BRINP1: variants seen among roughly 807,000 people sequenced by gnomAD.
BRINP1 encodes the protein BMP/retinoic acid inducible neural specific 1, also known as BMP/retinoic acid-inducible neural-specific protein 1.
Under a neutral mutation model 72.9 loss-of-function variants are expected in BRINP1, and 17 were observed. The ratio of observed to expected loss-of-function variants is 0.23; its 90% CI spans 0.16 to 0.35. The LOEUF is 0.35. BRINP1 is among the 10% of genes least tolerant of loss of function. The probability of loss-of-function intolerance (pLI) is 1.00; values close to 1 mark genes in which losing one functional copy is unlikely to be tolerated. For synonymous variants in BRINP1, 418 were observed against 378.5 expected, an observed-to-expected ratio of 1.10 and a Z score of -1.21; for missense variants, 850 against 1,001.6, an observed-to-expected ratio of 0.85 and a Z score of 2.04.
intron 2 of BRINP1, chr9:119,282,813 G>A: frequency 1.0e-6 from 1 of 985,330 alleles, no homozygotes; most frequent in Non-Finnish European, 1.2e-6. Context: ...GTGAAACCAA[G>A]GGGAGAGTAA....
At chr9:119,230,432 GC>G (rs1327621501) in intron 5 of BRINP1, among the ~76,000 whole-genome samples, 1 of 152,044 alleles carries the variant, frequency 6.6e-6, no homozygotes, top group Non-Finnish European at 1.5e-5. Flanking sequence ...CAAGAAGGCT[GC>G]TTTGACCCTC....
rs1554751040 is a variant in BRINP1 at position 119,249,839 on chromosome 9, G to GAAGGAAGGAAGGAAGGAAGA, written c.219-690_219-689insTCTTCCTTCCTTCCTTCCTT. Among the ~76,000 whole-genome samples, 106 of 66,902 alleles carry GAAGGAAGGAAGGAAGGAAGA rather than the reference G, an allele frequency of 1.6e-3. 4 individuals are homozygous for GAAGGAAGGAAGGAAGGAAGA. The highest frequency in any genetic ancestry group is 6.7e-3 in the African/African-American group (100 of 14,960). The allele number at this position is 66,902 out of a possible 152,430, so 43.9% of individuals were successfully genotyped here. ...GGAAGGAAGGAAGGAAGGAAGGAAG[G>GAAGGAAGGAAGGAAGGAAGA]AAGGAAGGAAGGAAGGGAGGGAGGG... is the stretch of plus-strand genomic sequence containing the variant. On this transcript the variant is annotated intron_variant, in intron 2 of 7. Transcript: ENST00000265922.
At chr9:119,306,995 T>A (rs1235747167) in intron 2 of BRINP1, among the ~76,000 whole-genome samples, 10 of 152,162 alleles carry the variant, frequency 6.6e-5, no homozygotes, top group Non-Finnish European at 1.5e-4. Flanking sequence ...CACCACTCTT[T>A]TTTTTTCTTC....
intron 1 of BRINP1, among the ~76,000 whole-genome samples, chr9:119,328,087 T>C (rs1378369121): frequency 6.6e-6 from 1 of 152,078 alleles, no homozygotes; most frequent in African/African-American, 2.4e-5. Context: ...GAGGAAGAGA[T>C]ATCATAAAGT....
chr9:119,175,526 A>G (rs913540037), intron 7 of BRINP1, among the ~76,000 whole-genome samples: 5 of 152,138 alleles, frequency 3.3e-5, no homozygotes, highest in African/African-American at 1.2e-4. Flanking sequence ...ATAATAAAAA[A>G]AAGGGGGGGT....
At chr9:119,340,571 C>T (rs180916069) in intron 1 of BRINP1, among the ~76,000 whole-genome samples, 2 of 152,182 alleles carry the variant, frequency 1.3e-5, no homozygotes, top group Admixed American at 1.3e-4. Flanking sequence ...GATTTGGAGA[C>T]AATCCCATTC....
chr9:119,229,643 G>A (rs1227519878), intron 5 of BRINP1, among the ~76,000 whole-genome samples: 2 of 152,060 alleles, frequency 1.3e-5, no homozygotes, highest in Non-Finnish European at 2.9e-5. Flanking sequence ...ACCCTTCCTG[G>A]AAGATGTAAC....
At chr9:119,209,109 G>T (rs1829891223) in intron 6 of BRINP1, among the ~76,000 whole-genome samples, 168 bp from the exon 7 acceptor site, 2 of 152,110 alleles carry the variant, frequency 1.3e-5, no homozygotes, top group Non-Finnish European at 2.9e-5. Context: ...CTACTAGAAA[G>T]GGCAAAAGCT....
At position 119,313,218 on chromosome 9, in the gene BRINP1, C is replaced by G; in HGVS notation, c.138G>C (p.Gly46=). 6.2e-7 allele frequency: 1 copy of G among 1,614,136 alleles called. No individual in the cohort carries two copies. ...KEFDWLISDR[G]PFHHSRSYLS... ...GGTAGCTCCTGGAGTGGTGGAAAGG[C>G]CCCCTGTCTGAAATGAGCCAATCAA... The change falls in exon 2 of 8, where the codon GGG becomes GGC. Residue 46 remains glycine (G), a synonymous_variant. Transcript: ENST00000265922.
chr9:119,174,333 A>C (rs1235425368), intron 7 of BRINP1, among the ~76,000 whole-genome samples: 11 of 151,092 alleles, frequency 7.3e-5, no homozygotes, highest in Non-Finnish European at 1.6e-4. Flanking sequence ...TCTCAAAAGA[A>C]GACATTTATG....
intron 1 of BRINP1, among the ~76,000 whole-genome samples, chr9:119,357,511 G>A (rs375743284): frequency 1.3e-5 from 2 of 152,116 alleles, no homozygotes; most frequent in South Asian, 2.1e-4. Context: ...TTGAACTAAG[G>A]GTGCAGATAA....
chr9:119,331,138 C>A (rs1831296659), intron 1 of BRINP1, among the ~76,000 whole-genome samples: 1 of 152,192 alleles, frequency 6.6e-6, no homozygotes, highest in African/African-American at 2.4e-5. Context: ...CAGGATCAGT[C>A]CATGATTCGA....
intron 7 of BRINP1, among the ~76,000 whole-genome samples, chr9:119,201,038 G>A (rs1251195550): frequency 3.3e-5 from 5 of 152,142 alleles, no homozygotes; most frequent in African/African-American, 1.2e-4. Flanking sequence ...ACCAGATCAT[G>A]GCAGATCTGT....
intron 7 of BRINP1, among the ~76,000 whole-genome samples, chr9:119,177,135 A>G (rs1266462557): frequency 6.6e-6 from 1 of 152,194 alleles, no homozygotes; most frequent in Non-Finnish European, 1.5e-5. Flanking sequence ...GAATGCATAA[A>G]GAATATTCAT....
At chr9:119,329,414 C>T (rs1348892026) in intron 1 of BRINP1, among the ~76,000 whole-genome samples, 1 of 152,130 alleles carries the variant, frequency 6.6e-6, no homozygotes, top group East Asian at 1.9e-4. Context: ...AAAAGTACAG[C>T]CACAGCTGTC....
At chr9:119,213,757 C>G in intron 6 of BRINP1, 162 bp downstream of exon 6, 5 of 676,926 alleles carry the variant, frequency 7.4e-6, no homozygotes, top group Non-Finnish European at 1.3e-5. Flanking sequence ...TATTGAGTGC[C>G]TGCTCTGTGA....
intron 1 of BRINP1, among the ~76,000 whole-genome samples, chr9:119,347,522 T>C (rs1831463312): frequency 6.6e-6 from 1 of 152,136 alleles, no homozygotes; most frequent in South Asian, 2.1e-4. Flanking sequence ...TGGACATTAT[T>C]ATTATTATTG....
intron 1 of BRINP1, among the ~76,000 whole-genome samples, chr9:119,314,781 C>G (rs1225712614): frequency 6.6e-6 from 1 of 152,182 alleles, no homozygotes; most frequent in Non-Finnish European, 1.5e-5. Context: ...GTTTCCTTAT[C>G]TGCAAAATGT....
At chr9:119,268,439 G>C (rs1382723119) in intron 2 of BRINP1, among the ~76,000 whole-genome samples, 1 of 152,030 alleles carries the variant, frequency 6.6e-6, no homozygotes. Flanking sequence ...CCTCAAAGAG[G>C]CAGGGATGGG....
Sources: gnomAD v4.1 joint callset for allele counts (sites outside exome capture counted in the v4.1 genomes callset) on GRCh38, gnomAD v4.1.1 for gene constraint, MANE v1.5 for transcripts, NCBI Gene and HGNC (gene_info 2026-07-23, HGNC 2026-07-21) for gene names.